Variants in NCKAP5 observed in about 807,000 individuals in gnomAD.
The protein encoded by NCKAP5 is NCK associated protein 5.
NCKAP5 carries 92 observed loss-of-function variants against 167.0 expected under a neutral mutation model. The ratio of observed to expected loss-of-function variants is 0.55; its 90% CI spans 0.47 to 0.66. NCKAP5 has a LOEUF of 0.66. Among genes scored for constraint, NCKAP5 ranks in the 30% least tolerant of loss-of-function variants. The pLI, the probability that NCKAP5 is intolerant of heterozygous loss-of-function variation, is 0.00. For synonymous variants in NCKAP5, 891 were observed against 877.4 expected, an observed-to-expected ratio of 1.02 and a Z score of -0.27; for missense variants, 2,378 against 2,315.0, an observed-to-expected ratio of 1.03 and a Z score of -0.56.
intron 3 of NCKAP5, among the ~76,000 whole-genome samples, chr2:133,375,710 T>C (rs1430682904): frequency 2.0e-5 from 3 of 152,222 alleles, no homozygotes; most frequent in African/African-American, 4.8e-5. Flanking sequence ...TTTTTGTTCC[T>C]GAGTTAGTTT....
intron 3 of NCKAP5, among the ~76,000 whole-genome samples, chr2:133,415,280 C>T (rs1264239176): frequency 6.6e-6 from 1 of 152,240 alleles, no homozygotes; most frequent in Non-Finnish European, 1.5e-5. Flanking sequence ...ACTAATCTGA[C>T]CACAGTCATG....
intron 5 of NCKAP5, among the ~76,000 whole-genome samples, chr2:133,183,626 T>C (rs1319177797): frequency 6.6e-6 from 1 of 152,094 alleles, no homozygotes; most frequent in Non-Finnish European, 1.5e-5. Flanking sequence ...AAACTACAGA[T>C]AAATGGTGAA....
At chr2:133,503,142 T>C (rs11886382) in intron 3 of NCKAP5, among the ~76,000 whole-genome samples, 40,466 of 152,088 alleles carry the variant, frequency 0.27, 6,119 homozygotes, top group East Asian at 0.51. Context: ...GTAAACCCAG[T>C]CCCACCAGCA....
chr2:132,988,246 C>G (rs72614501), intron 7 of NCKAP5, among the ~76,000 whole-genome samples: 1 of 151,946 alleles, frequency 6.6e-6, no homozygotes, highest in African/African-American at 2.4e-5. Flanking sequence ...GGGCAGATCA[C>G]GAGGTCAGGA....
intron 4 of NCKAP5, among the ~76,000 whole-genome samples, chr2:133,263,855 C>T (rs2089043264): frequency 6.6e-6 from 1 of 152,100 alleles, no homozygotes; most frequent in Non-Finnish European, 1.5e-5. Flanking sequence ...ATTCTAAGTA[C>T]AGAAAATTGC....
At chr2:133,200,061 C>CTTTTTTTTTTTTTTTTTTTTT (rs70973417) in intron 5 of NCKAP5, among the ~76,000 whole-genome samples, 156 of 109,350 alleles carry the variant, frequency 1.4e-3, no homozygotes, top group African/African-American at 2.3e-3. Context: ...TTTTTTCTTT[C>CTTTTTTTTTTTTTTTTTTTTT]TTTTTTTTTT....
intron 5 of NCKAP5, among the ~76,000 whole-genome samples, chr2:133,156,352 T>G (rs1295411238): frequency 5.3e-5 from 8 of 152,326 alleles, no homozygotes; most frequent in Non-Finnish European, 7.3e-5. Flanking sequence ...TTCCGGGTTT[T>G]CTATGATTCT....
Position 132,905,502 on chromosome 2 carries a change from T to C in NCKAP5, c.580-26586A>G, listed in dbSNP as rs566161705. Among the ~76,000 whole-genome samples, 19 of 152,316 alleles carry C rather than the reference T, an allele frequency of 1.2e-4. No homozygotes were observed. The East Asian group carries it at 1.5e-3, about 12-fold the overall frequency. Reference sequence around the variant, plus strand: ...TCCCATAGCTCTCCTCTAATTCTACTGATTTTTTCTACTTGTCAAGATTTA... The same window carrying C: ...TCCCATAGCTCTCCTCTAATTCTACCGATTTTTTCTACTTGTCAAGATTTA... On this transcript the variant is annotated intron_variant, in intron 8 of 19. Coordinates refer to ENST00000409261, the MANE Select transcript of NCKAP5 (RefSeq NM_207363.3).
intron 2 of NCKAP5, among the ~76,000 whole-genome samples, chr2:133,530,246 T>C (rs1685256083): frequency 6.9e-6 from 1 of 145,060 alleles, no homozygotes; most frequent in South Asian, 2.2e-4. Context: ...ATCCTTTTCC[T>C]TGACCCTCAA....
chr2:133,519,266 C>A (rs1385700096), intron 2 of NCKAP5, among the ~76,000 whole-genome samples: 1 of 152,236 alleles, frequency 6.6e-6, no homozygotes, highest in Non-Finnish European at 1.5e-5. Flanking sequence ...ATTTTTAATA[C>A]ATCACTGGTC....
the NCKAP5 span, among the ~76,000 whole-genome samples, chr2:133,653,386 A>G: frequency 6.6e-6 from 1 of 152,218 alleles, no homozygotes; most frequent in Non-Finnish European, 1.5e-5. Flanking sequence ...TCAAAAGAAA[A>G]AAGAATATGT....
chr2:133,156,105 G>A (rs1280807032), intron 5 of NCKAP5, among the ~76,000 whole-genome samples: 1 of 152,152 alleles, frequency 6.6e-6, no homozygotes, highest in African/African-American at 2.4e-5. Context: ...AACAGTCCTT[G>A]TAGAGTAAAC....
chr2:133,281,362 CTATT>C (rs1243393841), intron 4 of NCKAP5, among the ~76,000 whole-genome samples: 2 of 152,134 alleles, frequency 1.3e-5, no homozygotes, highest in Admixed American at 6.5e-5. Context: ...TTTTTTCAAT[CTATT>C]TATTTTTATG....
chr2:133,252,997 C>G (rs1349068243), intron 4 of NCKAP5, among the ~76,000 whole-genome samples: 1 of 152,232 alleles, frequency 6.6e-6, no homozygotes, highest in South Asian at 2.1e-4. Context: ...CAGTCCCATT[C>G]ATTCACTTCG....
At chr2:133,036,474 A>G (rs1262776111) in intron 6 of NCKAP5, among the ~76,000 whole-genome samples, 3 of 152,082 alleles carry the variant, frequency 2.0e-5, no homozygotes, top group African/African-American at 7.2e-5. Flanking sequence ...ATTCATCATG[A>G]CAAAGCTGTT....
chr2:132,819,419 G>A (rs567138692), intron 11 of NCKAP5, among the ~76,000 whole-genome samples: 1 of 152,294 alleles, frequency 6.6e-6, no homozygotes, highest in Admixed American at 6.5e-5. Context: ...TTTTAGCCCT[G>A]TGGTGAGCTC....
At chr2:133,115,017 C>G (rs1355113580) in intron 6 of NCKAP5, among the ~76,000 whole-genome samples, 1 of 152,160 alleles carries the variant, frequency 6.6e-6, no homozygotes, top group Non-Finnish European at 1.5e-5. Flanking sequence ...CAAAGGGAAA[C>G]TTCTCTCCAC....
intron 8 of NCKAP5, among the ~76,000 whole-genome samples, chr2:132,925,297 G>T (rs761741668): frequency 6.6e-6 from 1 of 151,944 alleles, no homozygotes; most frequent in Non-Finnish European, 1.5e-5. Context: ...GCTCACGCCT[G>T]TAATCCCAGC....
intron 3 of NCKAP5, among the ~76,000 whole-genome samples, chr2:133,487,584 G>T (rs192635866): frequency 1.4e-4 from 22 of 152,242 alleles, no homozygotes; most frequent in African/African-American, 4.8e-4. Flanking sequence ...ATAGAATGTG[G>T]TTATTAGGCA....
Sources: gnomAD v4.1 joint callset for allele counts (sites outside exome capture counted in the v4.1 genomes callset) on GRCh38, gnomAD v4.1.1 for gene constraint, MANE v1.5 for transcripts, NCBI Gene and HGNC (gene_info 2026-07-23, HGNC 2026-07-21) for gene names.